The following ZMYM4 variants were observed in gnomAD, a reference collection of about 807,000 sequenced individuals.
The protein encoded by ZMYM4 is zinc finger MYM-type protein 4.
In ZMYM4, 31 loss-of-function variants were observed where a neutral mutation model predicts 183.2. That is an observed-to-expected ratio of 0.17 (90% CI 0.13 to 0.23). The LOEUF (loss-of-function observed/expected upper bound fraction) is 0.23. Among genes scored for constraint, ZMYM4 ranks in the 10% least tolerant of loss-of-function variants. The pLI, the probability that ZMYM4 is intolerant of heterozygous loss-of-function variation, is 1.00. For synonymous variants in ZMYM4, 592 were observed against 631.2 expected (o/e 0.94, Z 0.93); for missense variants, 1,273 against 1,840.3 (o/e 0.69, Z 5.64).
intron 11 of ZMYM4, among the ~76,000 whole-genome samples, chr1:35,386,402 C>T (rs513727): frequency 0.09 from 13,637 of 152,114 alleles, 1,368 homozygotes; most frequent in East Asian, 0.45. Flanking sequence ...GAAGCCGGCA[C>T]GTCTTACATG....
At chr1:35,272,043 G>A (rs1021632368) in intron 1 of ZMYM4, among the ~76,000 whole-genome samples, 8 of 152,000 alleles carry the variant, frequency 5.3e-5, no homozygotes, top group Admixed American at 2.0e-4. Context: ...TAGAATGTTC[G>A]GTATGATTGT....
Position 35,344,115 on chromosome 1 carries a change from G to A in ZMYM4, c.86-14810G>A, listed in dbSNP as rs140969058. On this transcript the variant is annotated intron_variant, in intron 2 of 29. Coordinates refer to ENST00000314607, the MANE Select transcript of ZMYM4 (RefSeq NM_005095.3). Reference sequence around the variant, plus strand: ...GTTGCCCAGGCTGGAGTGCAGTGGCGCTATCTGGGCTCACTGCAACCTCTA... The same window carrying A: ...GTTGCCCAGGCTGGAGTGCAGTGGCACTATCTGGGCTCACTGCAACCTCTA... 4.1e-3 allele frequency among the ~76,000 whole-genome samples: 615 copies of A among 150,734 alleles called. 1 individual carries two copies. The highest frequency in any genetic ancestry group is 6.5e-3 in the Non-Finnish European group (443 of 67,670).
Position 35,398,396 on chromosome 1 carries a change from C to A in ZMYM4, c.3200-17C>A. The A allele has an allele frequency of 6.2e-7, 1 of 1,604,076 alleles. No individual in the cohort carries two copies. Among genetic ancestry groups the A allele is most frequent in the Non-Finnish European group, 8.5e-7 (1 of 1,175,228 alleles). ...TGTCTAAACATAAATTATTTATGTG[C>A]TTTTCTTTTTCTTTAGAGTCCCAAA... On this transcript the variant is annotated splice_polypyrimidine_tract_variant and intron_variant, in intron 20 of 29. Coordinates refer to ENST00000314607, the MANE Select transcript of ZMYM4 (RefSeq NM_005095.3).
intron 25 of ZMYM4, among the ~76,000 whole-genome samples, chr1:35,407,026 C>G (rs1240893869): frequency 6.6e-6 from 1 of 152,208 alleles, no homozygotes; most frequent in Non-Finnish European, 1.5e-5. Context: ...TCCCCTGAAC[C>G]TTTGCAGCCT....
chr1:35,397,204 A>T, intron 19 of ZMYM4, 173 bp from the exon 20 acceptor site: 1 of 1,045,268 alleles, frequency 9.6e-7, no homozygotes, highest in Non-Finnish European at 1.2e-6. Context: ...TTGAAATTTT[A>T]TTTAAATGGC....
At chr1:35,279,066 C>CCATGGAGG (rs1005705091) in intron 1 of ZMYM4, among the ~76,000 whole-genome samples, 8 of 152,160 alleles carry the variant, frequency 5.3e-5, no homozygotes, top group Admixed American at 4.6e-4. Context: ...GATCCTCTGC[C>CCATGGAGG]CTCTGGGCCC....
chr1:35,398,673 A>G (rs1007481791), intron 21 of ZMYM4, among the ~76,000 whole-genome samples, 191 bp from the exon 22 acceptor site: 2 of 152,212 alleles, frequency 1.3e-5, no homozygotes, highest in South Asian at 2.1e-4. Flanking sequence ...AATGCTTTCA[A>G]TTGCCTACCA....
rs545286382 is a variant in ZMYM4 at position 35,270,442 on chromosome 1, C to A, written c.39+1357C>A. ...AACTTACGGGGAGCAGTCATACACC[C>A]AACCGCCTAGATCCTACTGTTAACA... On this transcript the variant is annotated intron_variant, in intron 1 of 29. Transcript: ENST00000314607. 2.0e-5 allele frequency among the ~76,000 whole-genome samples: 3 copies of A among 152,256 alleles called. No homozygotes were observed. In the South Asian group the frequency reaches 6.2e-4, roughly 32 times the overall value.
At chr1:35,326,802 C>G (rs565074647) in intron 2 of ZMYM4, among the ~76,000 whole-genome samples, 1 of 152,288 alleles carries the variant, frequency 6.6e-6, no homozygotes, top group Non-Finnish European at 1.5e-5. Context: ...CAAACTCATG[C>G]AGACATGGAA....
chr1:35,313,765 C>A (rs1026739144), intron 1 of ZMYM4, among the ~76,000 whole-genome samples: 3 of 151,674 alleles, frequency 2.0e-5, no homozygotes, highest in Non-Finnish European at 4.4e-5. Context: ...TAAAATGAAG[C>A]CTTTATTATT....
chr1:35,349,037 C>T (rs1304617228), intron 2 of ZMYM4, among the ~76,000 whole-genome samples: 2 of 152,044 alleles, frequency 1.3e-5, no homozygotes, highest in Non-Finnish European at 2.9e-5. Context: ...CCTCTGTCAC[C>T]CGGGCTGGAG....
intron 2 of ZMYM4, among the ~76,000 whole-genome samples, chr1:35,352,016 T>TG (rs1643625756): frequency 6.6e-6 from 1 of 152,208 alleles, no homozygotes; most frequent in Non-Finnish European, 1.5e-5. Context: ...ATTTTCCTCC[T>TG]GAACTCACTG....
rs61664718 is a variant in ZMYM4 at position 35,416,510 on chromosome 1, T to G, written c.4309+796T>G. On this transcript the variant is annotated intron_variant, in intron 28 of 29. Coordinates refer to ENST00000314607, the MANE Select transcript of ZMYM4 (RefSeq NM_005095.3). ...TTTTCACCTAATGTCTGTGTCCTGT[T>G]TGCTTAGTTTTATATATATGTAACC... 5.1e-3 allele frequency among the ~76,000 whole-genome samples: 780 copies of G among 152,326 alleles called. 5 individuals are homozygous for G. The highest frequency in any genetic ancestry group is 0.018 in the African/African-American group (742 of 41,584).
At chr1:35,345,694 G>T (rs1182963355) in intron 2 of ZMYM4, among the ~76,000 whole-genome samples, 3 of 152,104 alleles carry the variant, frequency 2.0e-5, no homozygotes, top group Admixed American at 2.0e-4. Context: ...CAGTCCGCCT[G>T]CCTTGGCCTC....
At chr1:35,356,373 T>TA (rs1362806725) in intron 2 of ZMYM4, among the ~76,000 whole-genome samples, 1 of 152,186 alleles carries the variant, frequency 6.6e-6, no homozygotes, top group Non-Finnish European at 1.5e-5. Flanking sequence ...GAGCACATGC[T>TA]ATGTGGTCAG....
At chr1:35,411,655 T>C (rs1639902285) in intron 26 of ZMYM4, among the ~76,000 whole-genome samples, 2 of 152,252 alleles carry the variant, frequency 1.3e-5, no homozygotes, top group Non-Finnish European at 2.9e-5. Context: ...GATTTTGATA[T>C]GATTGCAGTG....
At chr1:35,341,414 T>C (rs1375136422) in intron 2 of ZMYM4, among the ~76,000 whole-genome samples, 2 of 152,240 alleles carry the variant, frequency 1.3e-5, no homozygotes, top group Middle Eastern at 3.4e-3. Context: ...ACAGATCTTA[T>C]TTTATGCCAT....
Position 35,389,884 on chromosome 1 carries a change from A to C in ZMYM4, c.2437-64A>C, listed in dbSNP as rs1044799845. Reference sequence around the variant, plus strand: ...TTTCGTCACTTGTTATGTGTGTCTTATTTTTATTTTGTCAGACCACAGATA... The same window carrying C: ...TTTCGTCACTTGTTATGTGTGTCTTCTTTTTATTTTGTCAGACCACAGATA... On this transcript the variant is annotated intron_variant, in intron 14 of 29. Transcript: ENST00000314607. The surrounding 1 kb of genome is among the most constrained non-coding windows in gnomAD (Gnocchi z 4.0). 2 of 1,527,994 alleles carry C rather than the reference A, an allele frequency of 1.3e-6. No homozygotes were observed. Among genetic ancestry groups the C allele is most frequent in the Non-Finnish European group, 1.8e-6 (2 of 1,133,016 alleles). The allele number at this position is 1,527,994 out of a possible 1,614,324, so 94.7% of individuals were successfully genotyped here.
intron 5 of ZMYM4, among the ~76,000 whole-genome samples, chr1:35,366,383 G>A (rs138495148): frequency 6.6e-5 from 10 of 152,112 alleles, no homozygotes; most frequent in East Asian, 3.9e-4. Flanking sequence ...TACAAGTTGC[G>A]GATGTCATCG....
Sources: gnomAD v4.1 joint callset for allele counts (sites outside exome capture counted in the v4.1 genomes callset) on GRCh38, gnomAD v4.1.1 for gene constraint, Gnocchi (gnomAD v3.1) non-coding constraint, MANE v1.5 for transcripts, NCBI Gene and HGNC (gene_info 2026-07-23, HGNC 2026-07-21) for gene names.